EDIL3: variants seen among roughly 807,000 people sequenced by gnomAD.
The protein encoded by EDIL3 is EGF-like repeat and discoidin I-like domain-containing protein 3.
EDIL3 carries 37 observed loss-of-function variants against 67.4 expected under a neutral mutation model. That is an observed-to-expected ratio of 0.55 (90% CI 0.42 to 0.72). The LOEUF is 0.72. Among genes scored for constraint, EDIL3 ranks in the 30% least tolerant of loss-of-function variants. EDIL3 has a pLI of 0.00. For synonymous variants in EDIL3, 195 were observed against 196.3 expected, an observed-to-expected ratio of 0.99 and a Z score of 0.05; for missense variants, 527 against 586.3, an observed-to-expected ratio of 0.90 and a Z score of 1.04.
chr5:84,202,645 G>A (rs1418094605), intron 3 of EDIL3, among the ~76,000 whole-genome samples: 1 of 152,078 alleles, frequency 6.6e-6, no homozygotes, highest in African/African-American at 2.4e-5. Flanking sequence ...TATTTAGAGA[G>A]GGAATATTTG....
intron 1 of EDIL3, among the ~76,000 whole-genome samples, chr5:84,277,702 T>C (rs897304544): frequency 1.3e-5 from 2 of 152,172 alleles, no homozygotes; most frequent in South Asian, 2.1e-4. Flanking sequence ...CAACTTATCA[T>C]AGACATATAT....
chr5:84,371,505 CAAG>C (rs1747855433), intron 1 of EDIL3, among the ~76,000 whole-genome samples: 1 of 142,004 alleles, frequency 7.0e-6, no homozygotes, highest in Admixed American at 7.1e-5. Context: ...AAAATAATTT[CAAG>C]AAGATCATGA....
chr5:84,262,210 C>A (rs1375161620), intron 1 of EDIL3, among the ~76,000 whole-genome samples: 4 of 152,130 alleles, frequency 2.6e-5, no homozygotes, highest in Admixed American at 2.0e-4. Context: ...TTTCAAATAT[C>A]TCATGCCCAG....
At chr5:84,273,412 C>T (rs1452819945) in intron 1 of EDIL3, among the ~76,000 whole-genome samples, 1 of 152,180 alleles carries the variant, frequency 6.6e-6, no homozygotes, top group Non-Finnish European at 1.5e-5. Flanking sequence ...TCACACCTAG[C>T]TTTCCCACAT....
intron 1 of EDIL3, among the ~76,000 whole-genome samples, chr5:84,359,212 T>C (rs1295730957): frequency 2.0e-5 from 3 of 152,216 alleles, no homozygotes; most frequent in Non-Finnish European, 4.4e-5. Flanking sequence ...ACCACACGTA[T>C]CTGCCTATAT....
At chr5:84,334,383 A>T (rs1287471241) in intron 1 of EDIL3, among the ~76,000 whole-genome samples, 1 of 152,228 alleles carries the variant, frequency 6.6e-6, no homozygotes, top group East Asian at 1.9e-4. Context: ...GCAATATTTT[A>T]TTCTTCAAAT....
At chr5:84,046,164 T>A (rs948042064) in intron 9 of EDIL3, among the ~76,000 whole-genome samples, 2 of 152,202 alleles carry the variant, frequency 1.3e-5, no homozygotes, top group Non-Finnish European at 2.9e-5. Flanking sequence ...ATTTCATACA[T>A]GTGTATGTGT....
chr5:84,078,517 AGAATGAAAG>A (rs1746905242), intron 6 of EDIL3: 3 of 152,348 alleles, frequency 2.0e-5, no homozygotes, highest in African/African-American at 7.2e-5. Flanking sequence ...CAAAGAAGGT[AGAATGAAAG>A]GTTACACATC....
intron 3 of EDIL3, among the ~76,000 whole-genome samples, chr5:84,214,779 G>A (rs946224805): frequency 6.6e-6 from 1 of 151,108 alleles, no homozygotes; most frequent in Non-Finnish European, 1.5e-5. Context: ...GTGCAGTGGT[G>A]CAATTTCGGC....
chr5:84,239,089 C>A (rs961513467), intron 2 of EDIL3, among the ~76,000 whole-genome samples: 1 of 152,130 alleles, frequency 6.6e-6, no homozygotes, highest in Non-Finnish European at 1.5e-5. Flanking sequence ...CCAGAGCTCA[C>A]CTCTAGAAAA....
At position 84,206,985 on chromosome 5, in the gene EDIL3, C is replaced by T. The variant is rs557421493; in HGVS notation, c.226+22870G>A. Among the ~76,000 whole-genome samples, 30 of 152,268 alleles carry T rather than the reference C, an allele frequency of 2.0e-4. No homozygotes were observed. In the East Asian group the frequency reaches 4.8e-3, roughly 25 times the overall value. On this transcript the variant is annotated intron_variant, in intron 3 of 10. Transcript: ENST00000296591. ...GAAGCCTTCCCTTTGAAAACTGGCA[C>T]AAGACAGGGATGCCCTCTCTCACCA...
intron 1 of EDIL3, among the ~76,000 whole-genome samples, chr5:84,283,626 A>T (rs1745746452): frequency 6.6e-6 from 1 of 152,160 alleles, no homozygotes; most frequent in Admixed American, 6.5e-5. Flanking sequence ...ATTGAACACG[A>T]CTACTTATAA....
At chr5:84,059,729 A>T (rs1445814631) in intron 9 of EDIL3, among the ~76,000 whole-genome samples, 1 of 152,172 alleles carries the variant, frequency 6.6e-6, no homozygotes, top group African/African-American at 2.4e-5. Context: ...AAATAAGAGA[A>T]TTTCATGAAG....
At chr5:84,104,727 C>T (rs1038312919) in intron 6 of EDIL3, among the ~76,000 whole-genome samples, 1 of 151,824 alleles carries the variant, frequency 6.6e-6, no homozygotes, top group Non-Finnish European at 1.5e-5. Context: ...CTGTCCTGTT[C>T]GATTAAGGTT....
intron 6 of EDIL3, among the ~76,000 whole-genome samples, chr5:84,098,259 GA>G (rs1020005425): frequency 3.9e-5 from 6 of 152,058 alleles, no homozygotes; most frequent in Non-Finnish European, 8.8e-5. Flanking sequence ...AAATGAAATT[GA>G]ATACTAATTA....
intron 9 of EDIL3, among the ~76,000 whole-genome samples, chr5:83,989,626 C>G (rs1165656905): frequency 6.6e-6 from 1 of 152,186 alleles, no homozygotes; most frequent in Non-Finnish European, 1.5e-5. Context: ...AGATATTTGA[C>G]TAAAGTATGG....
intron 1 of EDIL3, among the ~76,000 whole-genome samples, chr5:84,362,834 T>A (rs1747639125): frequency 2.0e-5 from 3 of 152,172 alleles, no homozygotes; most frequent in Admixed American, 2.0e-4. Flanking sequence ...TCTTGAATTA[T>A]GGGAAATACA....
At chr5:83,984,052 AC>A (rs913539915) in intron 9 of EDIL3, among the ~76,000 whole-genome samples, 3 of 152,032 alleles carry the variant, frequency 2.0e-5, no homozygotes, top group Non-Finnish European at 4.4e-5. Flanking sequence ...GGACAGAGGA[AC>A]AATGGACACA....
intron 6 of EDIL3, among the ~76,000 whole-genome samples, chr5:84,084,361 AT>A (rs1397617473): frequency 5.3e-5 from 8 of 152,220 alleles, no homozygotes; most frequent in African/African-American, 1.9e-4. Context: ...TCATTCTTTT[AT>A]TTTTTGATTT....
Sources: allele counts gnomAD v4.1 joint callset (sites outside exome capture counted in the v4.1 genomes callset), GRCh38; gene constraint gnomAD v4.1.1; transcripts MANE v1.5; gene names NCBI Gene and HGNC (gene_info 2026-07-23, HGNC 2026-07-21).